Variants in ATG7 observed in about 807,000 individuals in gnomAD.
ATG7 encodes the protein autophagy related 7.
In ATG7, 70 loss-of-function variants were observed where a neutral mutation model predicts 82.4. That is an observed-to-expected ratio of 0.85 (90% CI 0.70 to 1.04). ATG7 has a LOEUF of 1.04. Among genes scored for constraint, ATG7 ranks in the 50% least tolerant of loss-of-function variants. The probability of loss-of-function intolerance (pLI) is 0.00; values close to 1 mark genes in which losing one functional copy is unlikely to be tolerated. For synonymous variants in ATG7, 287 were observed against 313.0 expected (o/e 0.92, Z 0.88); for missense variants, 792 against 864.3 (o/e 0.92, Z 1.05).
chr3:11,409,429 C>T (rs1322475441), intron 19 of ATG7, among the ~76,000 whole-genome samples: 1 of 152,190 alleles, frequency 6.6e-6, no homozygotes, highest in African/African-American at 2.4e-5. Context: ...ACGATCTTGC[C>T]CAACTGCAGG....
intron 19 of ATG7, among the ~76,000 whole-genome samples, chr3:11,392,818 G>T (rs62245866): frequency 0.21 from 31,538 of 152,014 alleles, 3,712 homozygotes; most frequent in South Asian, 0.34. Context: ...TTGTTTGTTT[G>T]GTAGAAACTG....
chr3:11,533,718 TTTC>T (rs1052315517), intron 20 of ATG7, among the ~76,000 whole-genome samples: 1 of 152,180 alleles, frequency 6.6e-6, no homozygotes, highest in Non-Finnish European at 1.5e-5. Context: ...ACAGTTGTTA[TTTC>T]TTTTCTGTTA....
At chr3:11,333,737 C>T (rs906206576) in intron 11 of ATG7, among the ~76,000 whole-genome samples, 8 of 150,310 alleles carry the variant, frequency 5.3e-5, no homozygotes, top group Admixed American at 1.3e-4. Context: ...TGCCCAGCTC[C>T]GGATATATTT....
chr3:11,309,455 T>TA (rs970575256), intron 7 of ATG7, among the ~76,000 whole-genome samples: 3 of 149,780 alleles, frequency 2.0e-5, no homozygotes, highest in Non-Finnish European at 2.9e-5. Context: ...TTGTTGATTT[T>TA]TTTTTTTTGT....
At position 11,444,674 on chromosome 3, in the gene ATG7, T is replaced by C. The variant is rs371347924; in HGVS notation, c.2079+17748T>C. On this transcript the variant is annotated intron_variant, in intron 20 of 20. Transcript: ENST00000693202. The stretch of plus-strand genomic sequence containing the variant: ...GACATAGGAACAGGCAAAAATTTCA[T>C]GATGATGCCAAAAACAATTGCAACA... Among the ~76,000 whole-genome samples, 51 of 152,264 alleles carry C rather than the reference T, an allele frequency of 3.3e-4. 2 individuals carry two copies. In the South Asian group the frequency reaches 1.0e-2, roughly 30 times the overall value.
chr3:11,477,311 T>A lies in ATG7; in HGVS notation c.2079+50385T>A, dbSNP rs189096809. The A allele has an allele frequency of 4.2e-3, 5,014 of 1,193,084 alleles. 20 individuals are homozygous for A. Among genetic ancestry groups the A allele is most frequent in the Non-Finnish European group, 5.0e-3 (4,677 of 944,156 alleles). 73.9% of individuals were successfully genotyped at this position (1,193,084 alleles called of 1,614,324 possible). A position where few individuals can be genotyped will look rare whatever the true frequency, so the allele number is the denominator to read the frequency against. On this transcript the variant is annotated intron_variant, in intron 20 of 20. Coordinates refer to ENST00000693202, the MANE Select transcript of ATG7 (RefSeq NM_001349232.2). The stretch of plus-strand genomic sequence containing the variant: ...ATAAAATAAAATGTAAATAAGAATT[T>A]TTGTGCTACAAACTCCTGAATCGAT...
rs115399413 is a variant in ATG7 at position 11,337,056 on chromosome 3, A to G, written c.890-3589A>G. Among the ~76,000 whole-genome samples the G allele has an allele frequency of 1.9e-3, 283 of 152,320 alleles. 1 individual carries two copies. Among genetic ancestry groups the G allele is most frequent in the African/African-American group, 6.5e-3 (270 of 41,560 alleles). On this transcript the variant is annotated intron_variant, in intron 11 of 20. Coordinates refer to ENST00000693202, the MANE Select transcript of ATG7 (RefSeq NM_001349232.2). ...TACAGCTCTGGCACCTGGTGGAGGA[A>G]GATGGCAGACACTGCTGCGGGTAGA...
intron 20 of ATG7, among the ~76,000 whole-genome samples, chr3:11,448,793 G>A (rs182622712): frequency 1.3e-5 from 2 of 152,242 alleles, no homozygotes; most frequent in East Asian, 3.9e-4. Flanking sequence ...TGGGTAAGGG[G>A]GTCGCTGTTC....
intron 20 of ATG7, among the ~76,000 whole-genome samples, chr3:11,550,516 C>G (rs1197646868): frequency 6.6e-6 from 1 of 152,112 alleles, no homozygotes; most frequent in Non-Finnish European, 1.5e-5. Context: ...ATCCTCCTAT[C>G]TCCTGAGTTG....
In ATG7 at chr3:11,457,544, T is replaced by C. The variant is rs533941270; in HGVS notation, c.2079+30618T>C. ...AATTGTTCTGTACCCAGGAGTTCAATAAACACTAAATGTGTGAAAGAATTT... is the reference window on the plus strand; with the variant it reads ...AATTGTTCTGTACCCAGGAGTTCAACAAACACTAAATGTGTGAAAGAATTT... On this transcript the variant is annotated intron_variant, in intron 20 of 20. Coordinates refer to ENST00000693202, the MANE Select transcript of ATG7 (RefSeq NM_001349232.2). Among the ~76,000 whole-genome samples the C allele has an allele frequency of 2.0e-5, 3 of 152,316 alleles. No individual in the cohort carries two copies. In the South Asian group the frequency reaches 6.2e-4, roughly 32 times the overall value.
intron 20 of ATG7, among the ~76,000 whole-genome samples, chr3:11,447,972 A>G (rs1056220010): frequency 6.6e-6 from 1 of 152,178 alleles, no homozygotes; most frequent in African/African-American, 2.4e-5. Flanking sequence ...TCTTAGTTCT[A>G]TTCCTGTGTC....
chr3:11,492,219 G>A (rs375419432), intron 20 of ATG7, among the ~76,000 whole-genome samples: 1 of 152,192 alleles, frequency 6.6e-6, no homozygotes, highest in Non-Finnish European at 1.5e-5. Context: ...GGAGTGACCC[G>A]ATTTTCCAGT....
intron 3 of ATG7, among the ~76,000 whole-genome samples, chr3:11,293,622 C>T (rs190481379): frequency 4.6e-5 from 7 of 151,300 alleles, no homozygotes; most frequent in East Asian, 2.0e-4. Context: ...TCAAGGCAGG[C>T]GGATCACTTG....
intron 16 of ATG7, 21 bp from the exon 17 acceptor site, chr3:11,362,792 C>A (rs1402772409): frequency 6.2e-7 from 1 of 1,606,034 alleles, no homozygotes. Flanking sequence ...TCTGCACACA[C>A]CAATGATTGT....
chr3:11,458,770 G>A (rs1559667325), intron 20 of ATG7, among the ~76,000 whole-genome samples: 1 of 152,160 alleles, frequency 6.6e-6, no homozygotes, highest in Non-Finnish European at 1.5e-5. Context: ...CCTAGTTGAG[G>A]GGTCCCCAAC....
Position 11,299,068 on chromosome 3 carries a change from A to C in ATG7, c.160+213A>C, listed in dbSNP as rs933312651. 37 of 620,916 alleles carry C rather than the reference A, an allele frequency of 6.0e-5. No individual in the cohort carries two copies. The African/African-American group carries it at 6.8e-4, about 11-fold the overall frequency. The allele number at this position is 620,916 out of a possible 1,614,324, so 38.5% of individuals were successfully genotyped here. A position where few individuals can be genotyped will look rare whatever the true frequency, so the allele number is the denominator to read the frequency against. ...AAAAGAAAGAGAGTAGTGAAACTCAAATTATTAATCCAAATAATACCCATT... is the reference window on the plus strand; with the variant it reads ...AAAAGAAAGAGAGTAGTGAAACTCACATTATTAATCCAAATAATACCCATT... On this transcript the variant is annotated intron_variant, in intron 4 of 20. Coordinates refer to ENST00000693202, the MANE Select transcript of ATG7 (RefSeq NM_001349232.2).
chr3:11,523,497 T>C (rs558156494), intron 20 of ATG7, among the ~76,000 whole-genome samples: 1 of 152,230 alleles, frequency 6.6e-6, no homozygotes, highest in Non-Finnish European at 1.5e-5. Flanking sequence ...AGAGGTGATA[T>C]GCACTGAAGT....
chr3:11,541,180 G>A (rs113148742), intron 20 of ATG7, among the ~76,000 whole-genome samples: 6,998 of 152,308 alleles, frequency 0.046, 515 homozygotes, highest in African/African-American at 0.16. Flanking sequence ...GATTACAGGC[G>A]TGAGCCATCG....
chr3:11,492,407 C>G (rs1453846934), intron 20 of ATG7, among the ~76,000 whole-genome samples: 1 of 152,210 alleles, frequency 6.6e-6, no homozygotes, highest in Non-Finnish European at 1.5e-5. Flanking sequence ...GATGGAAATG[C>G]AGAAATCACC....
Sources: allele counts gnomAD v4.1 joint callset (sites outside exome capture counted in the v4.1 genomes callset), GRCh38; gene constraint gnomAD v4.1.1; transcripts MANE v1.5; gene names NCBI Gene and HGNC (gene_info 2026-07-23, HGNC 2026-07-21).